POLQ: variants seen among roughly 807,000 people sequenced by gnomAD.
The protein encoded by POLQ is epididymis secretory sperm binding protein.
Under a neutral mutation model 259.2 loss-of-function variants are expected in POLQ, and 233 were observed. The observed-to-expected ratio is 0.90, with a 90% CI of 0.81 to 1.00. The LOEUF (loss-of-function observed/expected upper bound fraction) is 1.00, where lower values mean the gene tolerates loss of function less well. Among genes scored for constraint, POLQ ranks in the 50% least tolerant of loss-of-function variants. The pLI is 0.00. For synonymous variants in POLQ, 1,025 were observed against 1,048.8 expected, an observed-to-expected ratio of 0.98 and a Z score of 0.44; for missense variants, 2,871 against 3,051.6, an observed-to-expected ratio of 0.94 and a Z score of 1.39.
At chr3:121,475,234 T>G (rs2047916551) in intron 20 of POLQ, among the ~76,000 whole-genome samples, 1 of 152,166 alleles carries the variant, frequency 6.6e-6, no homozygotes, top group African/African-American at 2.4e-5. Flanking sequence ...CAGCCTCTGG[T>G]AACAGCTGTT....
chr3:121,507,788 T>C (rs1251957866), intron 12 of POLQ, among the ~76,000 whole-genome samples: 1 of 152,102 alleles, frequency 6.6e-6, no homozygotes, highest in Admixed American at 6.6e-5. Context: ...GCAGTGTCCT[T>C]TTAGTTTCCT....
Position 121,431,749 on chromosome 3 carries a change from T to C in POLQ, c.*555A>G, listed in dbSNP as rs1272934015. 2 of 152,680 alleles carry C rather than the reference T, an allele frequency of 1.3e-5. No individual in the cohort carries two copies. Among genetic ancestry groups the C allele is most frequent in the Non-Finnish European group, 2.9e-5 (2 of 68,058 alleles). The allele number at this position is 152,680 out of a possible 1,614,324, so 9.5% of individuals were successfully genotyped here. ...GAAACATTTCATGAATATTCATTCC[T>C]ACACTCCAACCATACCAAGTCTTAC... On this transcript the variant is annotated 3_prime_UTR_variant, in exon 30 of 30. Coordinates refer to ENST00000264233, the MANE Select transcript of POLQ (RefSeq NM_199420.4).
chr3:121,440,005 T>C lies in POLQ; in HGVS notation c.7376A>G (p.Tyr2459Cys). 5 of 1,613,490 alleles carry C rather than the reference T, an allele frequency of 3.1e-6. No individual in the cohort carries two copies. The highest frequency in any genetic ancestry group is 4.2e-6 in the Non-Finnish European group (5 of 1,179,620). Residue 2459 changes from tyrosine to cysteine, a missense_variant, in exon 27 of 30, where the codon TAT (tyrosine) becomes TGT (cysteine). Tyr to Cys is a radical substitution (Grantham distance 194, BLOSUM62 -2). Around this residue, in one of 3 missense-constraint regions of POLQ, gnomAD observed 2,080 missense variants for 2,126.0 expected, o/e 0.98. Transcript: ENST00000264233. ...YLPGIKDNNP[Y>C]RKAHAERQAI... The stretch of plus-strand genomic sequence containing the variant: ...ATTTCAACATACGTGAGCTTTACGA[T>C]AAGGGTTGTTGTCTTTGATTCCTGG...
intron 25 of POLQ, among the ~76,000 whole-genome samples, chr3:121,456,254 T>C (rs2047736039): frequency 6.6e-6 from 1 of 152,132 alleles, no homozygotes; most frequent in Non-Finnish European, 1.5e-5. Context: ...GAGCTATCTA[T>C]GACAAACCCA....
At chr3:121,518,507 A>C (rs1007410680) in intron 9 of POLQ, among the ~76,000 whole-genome samples, 2 of 152,216 alleles carry the variant, frequency 1.3e-5, no homozygotes, top group Admixed American at 6.5e-5. Context: ...ATGTCCACAA[A>C]AGCCCCAGAG....
chr3:121,533,165 A>G lies in POLQ; in HGVS notation c.785T>C (p.Val262Ala), dbSNP rs1415221631. The change falls in exon 6 of 30, where the codon GTT becomes GCT. Residue 262 changes from valine to alanine, a missense_variant. Coordinates refer to ENST00000264233, the MANE Select transcript of POLQ (RefSeq NM_199420.4). The part of the protein sequence containing the change: ...ASSLSNAVQI[V>A]GMSATLPNLE... ...ATTAGGAAGGGTAGCACTCATGCCA[A>G]CGATTTGCACAGCATTAGACAGAGA... 3 of 1,613,774 alleles carry G rather than the reference A, an allele frequency of 1.9e-6. No individual in the cohort carries two copies. Among genetic ancestry groups the G allele is most frequent in the Non-Finnish European group, 2.5e-6 (3 of 1,179,860 alleles).
Position 121,511,911 on chromosome 3 carries a change from G to A in POLQ, c.1587C>T (p.Gly529=), listed in dbSNP as rs771760570. 7 of 1,613,694 alleles carry A rather than the reference G, an allele frequency of 4.3e-6. No individual in the cohort carries two copies. Among genetic ancestry groups the A allele is most frequent in the Non-Finnish European group, 2.5e-6 (3 of 1,179,764 alleles). ...LQRREGEEVT[G]SMIRAILEII... ...CCTCCAGAATAGCTCGTATCATGCT[G>A]CCAGTTACTTCTTCTCCTTCTCGTC... Residue 529 remains glycine (G), a synonymous_variant, in exon 10 of 30, where the codon GGC becomes GGT. Coordinates refer to ENST00000264233, the MANE Select transcript of POLQ (RefSeq NM_199420.4).
chr3:121,492,820 T>C (rs1047605324), intron 15 of POLQ, among the ~76,000 whole-genome samples: 6 of 106,092 alleles, frequency 5.7e-5, no homozygotes, highest in Admixed American at 4.1e-4. Flanking sequence ...TTTTTTTTTT[T>C]CAGTTTTAGT....
intron 25 of POLQ, among the ~76,000 whole-genome samples, chr3:121,454,300 G>A (rs2047710021): frequency 6.6e-6 from 1 of 152,198 alleles, no homozygotes; most frequent in Admixed American, 6.5e-5. Flanking sequence ...AAAGACCATT[G>A]AGGCTAGGAA....
Position 121,522,142 on chromosome 3 carries a change from C to T in POLQ, c.1116G>A (p.Val372=). 6.3e-7 allele frequency: 1 copy of T among 1,595,732 alleles called. No homozygotes were observed. The highest frequency in any genetic ancestry group is 8.5e-7 in the Non-Finnish European group (1 of 1,175,148). The part of the protein sequence containing the change: ...YNLHHQAEGL[V]KPSECPPVIL... ...TTACTGGTGGGCATTCAGAGGGTTT[C>T]ACCAATCCTGTCACAAAAAAATTAT... is the stretch of plus-strand genomic sequence containing the variant. The change falls in exon 8 of 30, where the codon GTG becomes GTA. Residue 372 remains valine (V), a synonymous_variant. Transcript: ENST00000264233.
intron 24 of POLQ, among the ~76,000 whole-genome samples, chr3:121,464,394 A>G (rs1465222224): frequency 6.6e-6 from 1 of 152,106 alleles, no homozygotes; most frequent in Non-Finnish European, 1.5e-5. Context: ...AACAACAACA[A>G]TAATAATAAT....
intron 25 of POLQ, among the ~76,000 whole-genome samples, chr3:121,454,495 G>A (rs1254338090): frequency 2.0e-5 from 3 of 152,090 alleles, no homozygotes; most frequent in Admixed American, 6.6e-5. Flanking sequence ...CCCATCTCAC[G>A]TGCAGAGACA....
At chr3:121,469,706 C>A (rs73193614) in intron 22 of POLQ, among the ~76,000 whole-genome samples, 5,507 of 151,976 alleles carry the variant, frequency 0.036, 152 homozygotes, top group Middle Eastern at 0.082. Flanking sequence ...ATTAATGAAG[C>A]AACACTGGCA....
Position 121,483,580 on chromosome 3 carries a change from T to C in POLQ, c.5776A>G (p.Ile1926Val). ...GAAGGTGGAACCAAACTGGCACTAA[T>C]TTCTTTAAAAAAAAAAAAAAAAAGG... ...SLQKEQKHSE[I>V]SASLVPPSLD... Residue 1926 changes from isoleucine to valine, a missense_variant and splice_region_variant, in exon 18 of 30, where the codon ATT becomes GTT. Physicochemically the swap from Ile to Val is conservative, Grantham distance 29 (BLOSUM62 3). Coordinates refer to ENST00000264233, the MANE Select transcript of POLQ (RefSeq NM_199420.4). 1 of 1,489,518 alleles carries C rather than the reference T, an allele frequency of 6.7e-7. No individual in the cohort carries two copies. 92.3% of individuals were successfully genotyped at this position (1,489,518 alleles called of 1,614,324 possible).
intron 6 of POLQ, among the ~76,000 whole-genome samples, chr3:121,531,408 T>A (rs1411740060): frequency 6.6e-6 from 1 of 151,944 alleles, no homozygotes; most frequent in Non-Finnish European, 1.5e-5. Context: ...CAGAAACTCT[T>A]GTTGTATTAA....
chr3:121,534,888 TA>T (rs1316085220), intron 5 of POLQ, among the ~76,000 whole-genome samples: 1 of 152,226 alleles, frequency 6.6e-6, no homozygotes, highest in Admixed American at 6.5e-5. Context: ...TTCTTATAGC[TA>T]AATTCACTAT....
chr3:121,528,380 G>T (rs1487311917), intron 7 of POLQ, among the ~76,000 whole-genome samples: 10 of 142,856 alleles, frequency 7.0e-5, no homozygotes, highest in Admixed American at 1.4e-4. Context: ...TTTCGCTCTT[G>T]TTGCCCAAGC....
chr3:121,468,548 T>A, intron 22 of POLQ, 117 bp from the exon 23 acceptor site: 1 of 627,082 alleles, frequency 1.6e-6, no homozygotes. Flanking sequence ...TGAACTGAAA[T>A]ACATTTATAT....
chr3:121,443,355 A>G (rs534435299), intron 26 of POLQ, among the ~76,000 whole-genome samples: 1 of 152,352 alleles, frequency 6.6e-6, no homozygotes, highest in South Asian at 2.1e-4. Context: ...TCTGATGATC[A>G]ATGATGTTGA....
Sources: gnomAD v4.1 joint callset for allele counts (sites outside exome capture counted in the v4.1 genomes callset) on GRCh38, gnomAD v4.1.1 for gene constraint, gnomAD v4.1.1 regional missense constraint, MANE v1.5 for transcripts, NCBI Gene and HGNC (gene_info 2026-07-23, HGNC 2026-07-21) for gene names.